Variants in USP13 observed in about 807,000 individuals in gnomAD.
USP13 encodes the protein ubiquitin specific peptidase 13, also known as ubiquitin carboxyl-terminal hydrolase 13.
A neutral mutation model predicts 107.8 loss-of-function variants in USP13; 68 were observed. That is an observed-to-expected ratio of 0.63 (90% CI 0.52 to 0.77). USP13 has a LOEUF of 0.77. Among genes scored for constraint, USP13 ranks in the 30% least tolerant of loss-of-function variants. The pLI is 0.00. For synonymous variants in USP13, 377 were observed against 389.5 expected, an observed-to-expected ratio of 0.97 and a Z score of 0.38; for missense variants, 945 against 1,093.3, an observed-to-expected ratio of 0.86 and a Z score of 1.91.
In USP13 at chr3:179,742,163, T is replaced by C. The variant is rs1487126875; in HGVS notation, c.1381-34T>C. The C allele has an allele frequency of 6.2e-7, 1 of 1,613,630 alleles. No individual in the cohort carries two copies. The highest frequency in any genetic ancestry group is 1.1e-5 in the South Asian group (1 of 91,036). On this transcript the variant is annotated intron_variant, in intron 11 of 20. Transcript: ENST00000263966. This position sits in a 1 kb window ranked among gnomAD's most constrained non-coding sequence, Gnocchi z 5.0. ...CTAAGTCTTAGTGGCTCAATATTCA[T>C]ACATTTACTAACCTGATACAATCCA...
intron 14 of USP13, among the ~76,000 whole-genome samples, chr3:179,754,457 G>A (rs1285889624): frequency 6.6e-6 from 1 of 152,164 alleles, no homozygotes; most frequent in Non-Finnish European, 1.5e-5. Context: ...TTGTGTCTGG[G>A]CCACACATGG....
In USP13 at chr3:179,678,478, A is replaced by ATT. The variant is rs11402001; in HGVS notation, c.169-3389_169-3388dup. Among the ~76,000 whole-genome samples the ATT allele has an allele frequency of 0.035, 5,207 of 147,810 alleles. 207 individuals carry two copies. The highest frequency in any genetic ancestry group is 0.097 in the African/African-American group (3,907 of 40,426). On this transcript the variant is annotated intron_variant, in intron 1 of 20. Coordinates refer to ENST00000263966, the MANE Select transcript of USP13 (RefSeq NM_003940.3). The surrounding 1 kb of genome is among the most constrained non-coding windows in gnomAD (Gnocchi z 4.2). The stretch of plus-strand genomic sequence containing the variant: ...ATAATTATAAGCTTTTTTGGATGCT[A>ATT]TTTTTTTTTTTTGAGACAGGGTCTC...
intron 18 of USP13, among the ~76,000 whole-genome samples, chr3:179,765,283 T>C (rs1371434192): frequency 6.6e-6 from 1 of 152,248 alleles, no homozygotes; most frequent in Non-Finnish European, 1.5e-5. Context: ...TGTTCAGTTA[T>C]CTGCAGAAAA....
At chr3:179,716,156 T>G (rs558462244) in intron 6 of USP13, among the ~76,000 whole-genome samples, 2 of 152,154 alleles carry the variant, frequency 1.3e-5, no homozygotes, top group African/African-American at 2.4e-5. Flanking sequence ...ACTCCCGACC[T>G]CAGGTGATCC....
intron 1 of USP13, among the ~76,000 whole-genome samples, chr3:179,657,657 G>A (rs539027340): frequency 6.2e-4 from 94 of 150,586 alleles, no homozygotes; most frequent in African/African-American, 2.2e-3. Flanking sequence ...CCAGCTACTC[G>A]GGAGGCTGAG....
rs1487822145 is a variant in USP13 at position 179,678,651 on chromosome 3, G to A, written c.169-3227G>A. Reference sequence around the variant, plus strand: ...TATTATTATTTTTTTGTAGAGACAGGGTTTCTCCATGTTGCCCAGACTGGT... The same window carrying A: ...TATTATTATTTTTTTGTAGAGACAGAGTTTCTCCATGTTGCCCAGACTGGT... On this transcript the variant is annotated intron_variant, in intron 1 of 20. Coordinates refer to ENST00000263966, the MANE Select transcript of USP13 (RefSeq NM_003940.3). The surrounding 1 kb of genome is among the most constrained non-coding windows in gnomAD (Gnocchi z 4.2). 1.3e-5 allele frequency among the ~76,000 whole-genome samples: 2 copies of A among 151,914 alleles called. No homozygotes were observed. The highest frequency in any genetic ancestry group is 2.9e-5 in the Non-Finnish European group (2 of 67,990).
intron 15 of USP13, 48 bp from the exon 16 acceptor site, chr3:179,757,004 C>T: frequency 1.2e-6 from 2 of 1,607,568 alleles, no homozygotes; most frequent in Non-Finnish European, 1.7e-6. Flanking sequence ...TTCTAAAACT[C>T]CTCAACATGG....
At chr3:179,677,507 G>C (rs899376362) in intron 1 of USP13, among the ~76,000 whole-genome samples, 1 of 152,042 alleles carries the variant, frequency 6.6e-6, no homozygotes, top group Non-Finnish European at 1.5e-5. Flanking sequence ...TTGAACCCAG[G>C]AGGTGGAGGT....
At chr3:179,666,969 G>A (rs1375566415) in intron 1 of USP13, among the ~76,000 whole-genome samples, 2 of 152,180 alleles carry the variant, frequency 1.3e-5, no homozygotes, top group Non-Finnish European at 2.9e-5. Flanking sequence ...GTGAGCCTTG[G>A]TTTCCCCCTC....
rs186656147 is a variant in USP13 at position 179,746,507 on chromosome 3, G to A, written c.1709+1290G>A. 3.3e-3 allele frequency among the ~76,000 whole-genome samples: 507 copies of A among 151,446 alleles called. 5 individuals carry two copies. Among genetic ancestry groups the A allele is most frequent in the African/African-American group, 0.011 (472 of 41,226 alleles). On this transcript the variant is annotated intron_variant, in intron 13 of 20. Coordinates refer to ENST00000263966, the MANE Select transcript of USP13 (RefSeq NM_003940.3). ...GAGTGCAGTGGCACAATCTCTGCTT[G>A]CCACAACCTACGCCTCCCAGGTTCA...
At chr3:179,681,586 T>C (rs886349265) in intron 1 of USP13, among the ~76,000 whole-genome samples, 8 of 151,412 alleles carry the variant, frequency 5.3e-5, no homozygotes, top group Non-Finnish European at 1.0e-4. Context: ...CAATATCTTA[T>C]CAGTAGGTAC....
At chr3:179,781,612 A>T in intron 19 of USP13, 127 bp from the exon 20 acceptor site, 1 of 738,536 alleles carries the variant, frequency 1.4e-6, no homozygotes, top group Non-Finnish European at 2.3e-6. Flanking sequence ...ATAGCAAGGT[A>T]AATAGACCTT....
chr3:179,664,605 C>T (rs1009419070), intron 1 of USP13, among the ~76,000 whole-genome samples: 9 of 152,084 alleles, frequency 5.9e-5, no homozygotes, highest in Non-Finnish European at 4.4e-5. Context: ...CTGGTCTGTT[C>T]AGTATTGTGG....
chr3:179,708,075 GCTTTAGAA>G (rs1343084097), intron 5 of USP13, among the ~76,000 whole-genome samples: 1 of 152,156 alleles, frequency 6.6e-6, no homozygotes, highest in Non-Finnish European at 1.5e-5. Flanking sequence ...TGTGATTAAT[GCTTTAGAA>G]CTTTAGTCAT....
At chr3:179,774,462 G>A (rs1715443970) in intron 19 of USP13, among the ~76,000 whole-genome samples, 1 of 152,168 alleles carries the variant, frequency 6.6e-6, no homozygotes, top group South Asian at 2.1e-4. Flanking sequence ...CTGGCTTCAG[G>A]AGTGAAGCTG....
chr3:179,701,274 G>A (rs781266107), intron 4 of USP13, 145 bp downstream of exon 4: 57 of 1,076,724 alleles, frequency 5.3e-5, no homozygotes, highest in Non-Finnish European at 6.7e-5. Context: ...GCATGAACAC[G>A]CACATACCTC....
chr3:179,744,989 C>T, intron 12 of USP13, 54 bp from the exon 13 acceptor site: 2 of 1,600,684 alleles, frequency 1.2e-6, no homozygotes, highest in Non-Finnish European at 1.7e-6. Context: ...GGGTGCTTTT[C>T]ATTTCCACAG....
chr3:179,757,071 G>C lies in USP13; in HGVS notation c.1941G>C (p.Leu647Phe). 4 of 1,613,952 alleles carry C rather than the reference G, an allele frequency of 2.5e-6. No individual in the cohort carries two copies. The highest frequency in any genetic ancestry group is 3.4e-6 in the Non-Finnish European group (4 of 1,179,868). The change falls in exon 16 of 21, where the codon TTG becomes TTC. Residue 647 changes from leucine (L) to phenylalanine (F), a missense_variant. By Grantham distance (22) the Leu-to-Phe change is conservative. Transcript: ENST00000263966. The stretch of plus-strand genomic sequence containing the variant: ...TTCCAGATCGCCTGATGAACCAATT[G>C]ATAGACCGTATGTATCTTTAAAAAT... Reference protein sequence around the residue: ...DDSKDRLMNQLIDPSDIDESS... With the variant: ...DDSKDRLMNQFIDPSDIDESS...
chr3:179,728,527 A>G (rs1713658108), intron 8 of USP13, among the ~76,000 whole-genome samples: 1 of 149,098 alleles, frequency 6.7e-6, no homozygotes, highest in East Asian at 2.0e-4. Flanking sequence ...GGCTCCTCAC[A>G]TCCCAGACGA....
Sources: gnomAD v4.1 joint callset for allele counts (sites outside exome capture counted in the v4.1 genomes callset) on GRCh38, gnomAD v4.1.1 for gene constraint, Gnocchi (gnomAD v3.1) non-coding constraint, MANE v1.5 for transcripts, NCBI Gene and HGNC (gene_info 2026-07-23, HGNC 2026-07-21) for gene names.